The following KCNIP4 variants were observed in gnomAD, a reference collection of about 807,000 sequenced individuals.
KCNIP4 encodes potassium voltage-gated channel interacting protein 4, also known as Kv channel-interacting protein 4.
A neutral mutation model predicts 34.0 loss-of-function variants in KCNIP4; 12 were observed. The observed-to-expected ratio is 0.35, with a 90% CI of 0.23 to 0.57. KCNIP4 has a LOEUF of 0.57. Among genes scored for constraint, KCNIP4 ranks in the 20% least tolerant of loss-of-function variants. The pLI is 0.83. For synonymous variants in KCNIP4, 124 were observed against 102.2 expected (o/e 1.21, Z -1.29); for missense variants, 238 against 311.7 (o/e 0.76, Z 1.78).
chr4:21,723,484 T>G (rs1714973543), intron 1 of KCNIP4, among the ~76,000 whole-genome samples: 1 of 152,052 alleles, frequency 6.6e-6, no homozygotes, highest in African/African-American at 2.4e-5. Context: ...ATGTACAGCT[T>G]GCCTAAAATG....
chr4:21,013,357 G>C (rs1156398058), intron 1 of KCNIP4, among the ~76,000 whole-genome samples: 1 of 152,094 alleles, frequency 6.6e-6, no homozygotes, highest in Non-Finnish European at 1.5e-5. Flanking sequence ...TGTCAAGTAT[G>C]CTGACCACAC....
At chr4:20,949,856 T>A (rs1732586876) in intron 1 of KCNIP4, among the ~76,000 whole-genome samples, 1 of 39,938 alleles carries the variant, frequency 2.5e-5, no homozygotes, top group Admixed American at 3.9e-4. Flanking sequence ...TGGGGACGGT[T>A]GGGGGGTGGG....
intron 1 of KCNIP4, among the ~76,000 whole-genome samples, chr4:20,958,800 T>C (rs1431496557): frequency 4.6e-5 from 7 of 152,208 alleles, no homozygotes; most frequent in Admixed American, 4.6e-4. Flanking sequence ...ATCTCTGACA[T>C]CAAACAGTGC....
At chr4:21,947,725 G>A (rs571909093) in intron 1 of KCNIP4, among the ~76,000 whole-genome samples, 1 of 152,242 alleles carries the variant, frequency 6.6e-6, no homozygotes, top group South Asian at 2.1e-4. Context: ...ATCAGGGAGA[G>A]GTCCAGCCCT....
chr4:21,528,771 GAAAGAAAGGAAGAAAGGAAGAAAGGAAGA>G (rs1736338086), intron 1 of KCNIP4, among the ~76,000 whole-genome samples: 11 of 11,946 alleles, frequency 9.2e-4, no homozygotes, highest in African/African-American at 2.2e-3. Context: ...AAGAAAGAAA[GAAAGAAAGGAAGAAAGGAAGAAAGGAAGA>G]AAGGAAGGAA....
At chr4:21,157,165 A>G (rs139199874) in intron 1 of KCNIP4, among the ~76,000 whole-genome samples, 2,366 of 152,280 alleles carry the variant, frequency 0.016, 32 homozygotes, top group Non-Finnish European at 0.026. Context: ...AATTCTAAAT[A>G]TTAGAAATAA....
intron 1 of KCNIP4, among the ~76,000 whole-genome samples, chr4:21,138,732 C>G (rs953775684): frequency 2.0e-5 from 3 of 151,770 alleles, no homozygotes; most frequent in African/African-American, 7.3e-5. Flanking sequence ...AGAATGTATT[C>G]CTAAAGGTTG....
At chr4:21,553,027 C>T (rs1257192556) in intron 1 of KCNIP4, among the ~76,000 whole-genome samples, 1 of 151,316 alleles carries the variant, frequency 6.6e-6, no homozygotes, top group Non-Finnish European at 1.5e-5. Context: ...AGGTGGTGGC[C>T]AGTGGGGGTT....
At chr4:21,022,043 A>G (rs919035589) in intron 1 of KCNIP4, among the ~76,000 whole-genome samples, 7 of 152,132 alleles carry the variant, frequency 4.6e-5, no homozygotes, top group Non-Finnish European at 1.0e-4. Context: ...AAAAACACTG[A>G]GTTATGATGT....
chr4:21,461,328 T>C (rs1729445900), intron 1 of KCNIP4, among the ~76,000 whole-genome samples: 2 of 152,054 alleles, frequency 1.3e-5, no homozygotes, highest in Non-Finnish European at 2.9e-5. Context: ...TGTGAGTCAA[T>C]TAAACCCATT....
At chr4:21,272,799 G>C (rs1169858130) in intron 1 of KCNIP4, among the ~76,000 whole-genome samples, 1 of 151,692 alleles carries the variant, frequency 6.6e-6, no homozygotes, top group East Asian at 1.9e-4. Flanking sequence ...TTCTCTTTGT[G>C]CCATTAGGAT....
At chr4:21,537,958 G>A (rs1433643593) in intron 1 of KCNIP4, among the ~76,000 whole-genome samples, 2 of 130,902 alleles carry the variant, frequency 1.5e-5, no homozygotes, top group South Asian at 2.5e-4. Context: ...GTTGAAGTAA[G>A]CCGAGATTGC....
At chr4:21,166,128 T>C (rs1753611400) in intron 1 of KCNIP4, among the ~76,000 whole-genome samples, 1 of 152,192 alleles carries the variant, frequency 6.6e-6, no homozygotes, top group African/African-American at 2.4e-5. Context: ...AGTCTAAGGT[T>C]TTTTGTTATA....
intron 1 of KCNIP4, among the ~76,000 whole-genome samples, chr4:21,496,103 C>G (rs1405741056): frequency 1.3e-5 from 2 of 152,166 alleles, no homozygotes; most frequent in Non-Finnish European, 2.9e-5. Flanking sequence ...CTAAATTGAA[C>G]AAGCAAGAAA....
chr4:21,658,104 C>T (rs1361962189), intron 1 of KCNIP4, among the ~76,000 whole-genome samples: 2 of 152,138 alleles, frequency 1.3e-5, no homozygotes, highest in South Asian at 4.1e-4. Flanking sequence ...TCCCAAAGTG[C>T]TGCGATTATA....
chr4:21,443,615 A>G (rs561917870), intron 1 of KCNIP4, among the ~76,000 whole-genome samples: 1 of 152,296 alleles, frequency 6.6e-6, no homozygotes, highest in East Asian at 1.9e-4. Context: ...ACCTTGCCTG[A>G]GTTTGCGGCC....
chr4:20,730,005 T>TAA lies in KCNIP4; in HGVS notation c.*75_*76dup. 1 of 1,521,786 alleles carries TAA rather than the reference T, an allele frequency of 6.6e-7. No individual in the cohort carries two copies. The highest frequency in any genetic ancestry group is 2.3e-5 in the East Asian group (1 of 42,680). 94.3% of individuals were successfully genotyped at this position (1,521,786 alleles called of 1,614,324 possible). A position where few individuals can be genotyped will look rare whatever the true frequency, so the allele number is the denominator to read the frequency against. On this transcript the variant is annotated 3_prime_UTR_variant, in exon 9 of 9. Transcript: ENST00000382152. Reference sequence around the variant, plus strand: ...CAGTGTCAAGCTGAGCAATCTATGCTAAAAGTGGTAGCTCCAACTTTAAGG... The same window carrying TAA: ...CAGTGTCAAGCTGAGCAATCTATGCTAAAAAAGTGGTAGCTCCAACTTTAAGG...
intron 1 of KCNIP4, among the ~76,000 whole-genome samples, chr4:21,294,638 A>T (rs773703372): frequency 6.6e-6 from 1 of 152,180 alleles, no homozygotes; most frequent in Non-Finnish European, 1.5e-5. Context: ...CTAGAATATA[A>T]TGATCACTCT....
chr4:21,171,474 T>C (rs1265143846), intron 1 of KCNIP4, among the ~76,000 whole-genome samples: 1 of 152,200 alleles, frequency 6.6e-6, no homozygotes, highest in African/African-American at 2.4e-5. Flanking sequence ...TCCAAGTTAT[T>C]GTACTTTATA....
Sources: allele counts gnomAD v4.1 joint callset (sites outside exome capture counted in the v4.1 genomes callset), GRCh38; gene constraint gnomAD v4.1.1; transcripts MANE v1.5; gene names NCBI Gene and HGNC (gene_info 2026-07-23, HGNC 2026-07-21).